The following MAK variants were observed in gnomAD, a reference collection of about 807,000 sequenced individuals.
MAK encodes the protein male germ cell associated kinase.
A neutral mutation model predicts 82.6 loss-of-function variants in MAK; 65 were observed. The observed-to-expected ratio is 0.79, with a 90% CI of 0.64 to 0.97. MAK has a LOEUF of 0.97. Among genes scored for constraint, MAK ranks in the 50% least tolerant of loss-of-function variants. The pLI, the probability that MAK is intolerant of heterozygous loss-of-function variation, is 0.00. For synonymous variants in MAK, 250 were observed against 274.2 expected (o/e 0.91, Z 0.87); for missense variants, 703 against 780.2 (o/e 0.90, Z 1.18).
At chr6:10,764,890 C>T (rs747857852) in intron 14 of MAK, among the ~76,000 whole-genome samples, 13 of 152,098 alleles carry the variant, frequency 8.5e-5, no homozygotes, top group Admixed American at 2.0e-4. Context: ...GTCAGGAGTT[C>T]GAGACCAGCC....
At chr6:10,810,376 G>C (rs1776837831) in intron 5 of MAK, among the ~76,000 whole-genome samples, 1 of 147,094 alleles carries the variant, frequency 6.8e-6, no homozygotes, top group African/African-American at 2.5e-5. Context: ...TTTTGAGACG[G>C]AGTCTTGCTC....
At chr6:10,829,853 T>G (rs1245976166) in intron 2 of MAK, among the ~76,000 whole-genome samples, 1 of 152,140 alleles carries the variant, frequency 6.6e-6, no homozygotes, top group Non-Finnish European at 1.5e-5. Flanking sequence ...CTTTTTTTTT[T>G]TGAGATGGAG....
At chr6:10,814,832 GTTCGAGAGCAGCC>G (rs1273235494) in intron 4 of MAK, among the ~76,000 whole-genome samples, 3 of 152,172 alleles carry the variant, frequency 2.0e-5, no homozygotes, top group Non-Finnish European at 4.4e-5. Flanking sequence ...GAGGTCAGGA[GTTCGAGAGCAGCC>G]TCGCCAACAT....
At chr6:10,783,868 A>T (rs1774253572) in intron 11 of MAK, among the ~76,000 whole-genome samples, 1 of 152,062 alleles carries the variant, frequency 6.6e-6, no homozygotes, top group Admixed American at 6.6e-5. Flanking sequence ...AAAATGCAAA[A>T]ATTAGCCAGG....
intron 2 of MAK, chr6:10,827,574 A>G (rs1290149637): frequency 7.2e-5 from 11 of 152,212 alleles, no homozygotes; most frequent in Non-Finnish European, 1.5e-4. Context: ...ATTTCACATT[A>G]ATATGAATTA....
At chr6:10,830,165 A>G (rs2127590077) in intron 2 of MAK, among the ~76,000 whole-genome samples, 1 of 135,554 alleles carries the variant, frequency 7.4e-6, no homozygotes, top group East Asian at 2.2e-4. Flanking sequence ...GTGCGTGTGC[A>G]CGTATATATA....
intron 10 of MAK, among the ~76,000 whole-genome samples, chr6:10,786,463 C>A (rs1020379163): frequency 1.4e-5 from 2 of 144,156 alleles, no homozygotes; most frequent in African/African-American, 5.3e-5. Flanking sequence ...CACCAGTTCA[C>A]CTCCTATTCA....
chr6:10,793,682 G>T lies in MAK; in HGVS notation c.1144-1835C>A, dbSNP rs559623790. Among the ~76,000 whole-genome samples, 1 of 152,172 alleles carries T rather than the reference G, an allele frequency of 6.6e-6. No homozygotes were observed. Among genetic ancestry groups the T allele is most frequent in the African/African-American group, 2.4e-5 (1 of 41,440 alleles). ...TATATAAAAATGTGTGTGTGGCGGG[G>T]CTGGGGGCTAGGTTATTCTCTTTAA... is the stretch of plus-strand genomic sequence containing the variant. On this transcript the variant is annotated intron_variant, in intron 9 of 14. Coordinates refer to ENST00000354489, the MANE Select transcript of MAK (RefSeq NM_001242957.3). The surrounding 1 kb of genome is among the most constrained non-coding windows in gnomAD (Gnocchi z 4.6).
At chr6:10,791,359 C>T (rs970458572) in intron 10 of MAK, among the ~76,000 whole-genome samples, 9 of 152,128 alleles carry the variant, frequency 5.9e-5, no homozygotes, top group Admixed American at 5.2e-4. Context: ...ATTCACCTCC[C>T]AGGTTCAAGA....
chr6:10,784,383 A>G (rs1389769405), intron 11 of MAK, 41 bp downstream of exon 11: 5 of 1,609,594 alleles, frequency 3.1e-6, no homozygotes, highest in East Asian at 4.5e-5. Flanking sequence ...TGACCTATCT[A>G]TACTCTAGTT....
intron 9 of MAK, among the ~76,000 whole-genome samples, chr6:10,795,454 A>C (rs1271720568): frequency 1.3e-5 from 2 of 151,924 alleles, no homozygotes; most frequent in African/African-American, 4.8e-5. Context: ...AGAAATAAAA[A>C]AGAAAAGCCC....
chr6:10,823,681 G>A (rs10946803), intron 2 of MAK, among the ~76,000 whole-genome samples: 4 of 151,764 alleles, frequency 2.6e-5, no homozygotes, highest in Non-Finnish European at 4.4e-5. Flanking sequence ...AGGCACACAC[G>A]ACCACACCCG....
At chr6:10,828,875 C>G (rs1352379982) in intron 2 of MAK, 1 of 152,196 alleles carries the variant, frequency 6.6e-6, no homozygotes, top group African/African-American at 2.4e-5. Flanking sequence ...ATATGGCTGT[C>G]TACAAGCCAA....
Position 10,808,918 on chromosome 6 carries a change from G to C in MAK, c.383C>G (p.Pro128Arg), listed in dbSNP as rs1468984423. The change falls in exon 6 of 15, where the codon CCA becomes CGA. Residue 128 changes from proline to arginine, a missense_variant. Coordinates refer to ENST00000354489, the MANE Select transcript of MAK (RefSeq NM_001242957.3). ...TGGACCCATACAAAGCAAGTTTTCT[G>C]GTTTCATGTCCCTATGAAAAAAGCC... ...KHGFFHRDMK[P>R]ENLLCMGPEL... 6.2e-7 allele frequency: 1 copy of C among 1,613,294 alleles called. No homozygotes were observed. Among genetic ancestry groups the C allele is most frequent in the Admixed American group, 1.7e-5 (1 of 59,954 alleles).
chr6:10,795,829 A>G (rs1297532535), intron 9 of MAK, among the ~76,000 whole-genome samples, 169 bp downstream of exon 9: 1 of 152,190 alleles, frequency 6.6e-6, no homozygotes, highest in Non-Finnish European at 1.5e-5. Context: ...TTTATAAACC[A>G]TATTAGAATT....
At chr6:10,768,522 A>T (rs1335809322) in intron 14 of MAK, among the ~76,000 whole-genome samples, 1 of 152,198 alleles carries the variant, frequency 6.6e-6, no homozygotes, top group Non-Finnish European at 1.5e-5. Context: ...TGGAGGTTGC[A>T]GTGAGCTGAG....
At chr6:10,807,599 C>G (rs1363870205) in intron 6 of MAK, among the ~76,000 whole-genome samples, 1 of 151,798 alleles carries the variant, frequency 6.6e-6, no homozygotes, top group South Asian at 2.1e-4. Context: ...CTCGGCCTCC[C>G]AAAGTGCTGG....
rs980783067 is a variant in MAK, at chr6:10,773,099, A to G, written c.1607T>C (p.Ile536Thr). The G allele has an allele frequency of 5.3e-6, 8 of 1,509,654 alleles. No individual in the cohort carries two copies. Among genetic ancestry groups the G allele is most frequent in the South Asian group, 1.2e-5 (1 of 82,628 alleles). The allele number at this position is 1,509,654 out of a possible 1,614,324, so 93.5% of individuals were successfully genotyped here. A position where few individuals can be genotyped will look rare whatever the true frequency, so the allele number is the denominator to read the frequency against. ...TGATAGTTTTTCGATTGGTTTAATT[A>G]TGCTTTCTTCTAAAGAGAAGACAGA... ...AFKRSNAEES[I>T]IKPIEKLSCN... Residue 536 changes from isoleucine to threonine, a missense_variant, in exon 13 of 15, where the codon ATA becomes ACA. Ile to Thr is a moderately conservative substitution (Grantham distance 89). Coordinates refer to ENST00000354489, the MANE Select transcript of MAK (RefSeq NM_001242957.3).
intron 13 of MAK, 47 bp from the exon 14 acceptor site, chr6:10,770,277 G>A: frequency 6.2e-7 from 1 of 1,608,528 alleles, no homozygotes; most frequent in Non-Finnish European, 8.5e-7. Context: ...GAATATTTTA[G>A]GCACAGTAGA....
Sources: allele counts gnomAD v4.1 joint callset (sites outside exome capture counted in the v4.1 genomes callset), GRCh38; gene constraint gnomAD v4.1.1; non-coding constraint Gnocchi (gnomAD v3.1); transcripts MANE v1.5; gene names NCBI Gene and HGNC (gene_info 2026-07-23, HGNC 2026-07-21).